The following KLB variants were observed in gnomAD, a reference collection of about 807,000 sequenced individuals.
The protein encoded by KLB is klotho beta.
Under a neutral mutation model 88.4 loss-of-function variants are expected in KLB, and 44 were observed. That is an observed-to-expected ratio of 0.50 (90% CI 0.39 to 0.64). KLB has a LOEUF of 0.64. KLB is among the 30% of genes least tolerant of loss of function. The probability of loss-of-function intolerance (pLI) is 0.00; values close to 1 mark genes in which losing one functional copy is unlikely to be tolerated. For missense variants in KLB, 1,137 were observed against 1,304.8 expected, an observed-to-expected ratio of 0.87 and a Z score of 1.98; for synonymous variants, 548 against 513.4, an observed-to-expected ratio of 1.07 and a Z score of -0.91.
chr4:39,421,752 C>CA (rs769591546), intron 1 of KLB, among the ~76,000 whole-genome samples: 302 of 135,450 alleles, frequency 2.2e-3, no homozygotes, highest in Middle Eastern at 7.2e-3. Flanking sequence ...AACACTCCGT[C>CA]AAAAAAAAAA....
chr4:39,433,609 C>T (rs1743407898), intron 1 of KLB, among the ~76,000 whole-genome samples: 1 of 152,158 alleles, frequency 6.6e-6, no homozygotes, highest in African/African-American at 2.4e-5. Context: ...CCTGTAATCC[C>T]AACACTTTGG....
Position 39,434,382 on chromosome 4 carries a change from C to T in KLB, c.998C>T (p.Pro333Leu). 1 of 1,614,080 alleles carries T rather than the reference C, an allele frequency of 6.2e-7. No homozygotes were observed. The change falls in exon 2 of 5, where the codon CCT (proline) becomes CTT (leucine). Residue 333 changes from proline (P) to leucine (L), a missense_variant. Transcript: ENST00000257408. Reference protein sequence around the residue: ...MVSVLGWFANPIHGDGDYPEG... With the variant: ...MVSVLGWFANLIHGDGDYPEG... ...TCTGTGCTTGGATGGTTTGCCAACCCTATCCATGGGGATGGCGACTATCCA... is the reference window on the plus strand; with the variant it reads ...TCTGTGCTTGGATGGTTTGCCAACCTTATCCATGGGGATGGCGACTATCCA...
chr4:39,412,867 T>C (rs1742884113), intron 1 of KLB, among the ~76,000 whole-genome samples: 1 of 152,258 alleles, frequency 6.6e-6, no homozygotes, highest in Admixed American at 6.5e-5. Context: ...CTGTCTTAAA[T>C]ACTGTAATCA....
intron 1 of KLB, among the ~76,000 whole-genome samples, chr4:39,422,161 G>A (rs1743103122): frequency 6.6e-6 from 1 of 152,124 alleles, no homozygotes; most frequent in Non-Finnish European, 1.5e-5. Flanking sequence ...GGTCTACGGT[G>A]TAAAAGTGTA....
Position 39,446,541 on chromosome 4 carries a change from G to A in KLB, c.1815G>A (p.Ser605=). 1 of 1,614,180 alleles carries A rather than the reference G, an allele frequency of 6.2e-7. No homozygotes were observed. The highest frequency in any genetic ancestry group is 8.5e-7 in the Non-Finnish European group (1 of 1,180,020). Residue 605 remains serine, a synonymous_variant, in exon 4 of 5, where the codon TCG becomes TCA. Transcript: ENST00000257408. This position sits in a 1 kb window ranked among gnomAD's most constrained non-coding sequence, Gnocchi z 6.4. ...THYRFALDWA[S]VLPTGNLSAV... ...ACCGGTTTGCTCTGGATTGGGCCTC[G>A]GTCCTTCCCACTGGCAACCTGTCCG... is the stretch of plus-strand genomic sequence containing the variant.
At chr4:39,407,884 G>T in intron 1 of KLB, 110 bp downstream of exon 1, 1 of 637,456 alleles carries the variant, frequency 1.6e-6, no homozygotes, top group Non-Finnish European at 2.6e-6. Context: ...CTGATTTTAA[G>T]CTAATTCAAA....
intron 1 of KLB, among the ~76,000 whole-genome samples, chr4:39,411,336 G>GTT (rs58256883): frequency 1.0e-4 from 5 of 50,160 alleles, no homozygotes; most frequent in Admixed American, 5.3e-4. Flanking sequence ...GTTTTGTTTT[G>GTT]ATTTTTTTTT....
rs1201176546 is a variant in KLB at position 39,434,664 on chromosome 4, CAG to C, written c.1282_1283del (p.Glu428ArgfsTer23). 1 of 1,614,054 alleles carries C rather than the reference CAG, an allele frequency of 6.2e-7. No individual in the cohort carries two copies. Among genetic ancestry groups the C allele is most frequent in the South Asian group, 1.1e-5 (1 of 91,070 alleles). On this transcript the variant is annotated frameshift_variant, in exon 2 of 5. Coordinates refer to ENST00000257408, the MANE Select transcript of KLB (RefSeq NM_175737.4). LOFTEE classifies it high-confidence loss of function. ...TGGTTCACAGACAGTCGTGTGAAAACAGAAGACACCACGGCCATCTACATGAT... is the reference window on the plus strand; with the variant it reads ...TGGTTCACAGACAGTCGTGTGAAAACAAGACACCACGGCCATCTACATGAT...
chr4:39,419,667 T>G (rs1269465747), intron 1 of KLB, among the ~76,000 whole-genome samples: 1 of 150,480 alleles, frequency 6.6e-6, no homozygotes, highest in East Asian at 1.9e-4. Context: ...TCCCAGCTAC[T>G]CGGGAGGCTG....
intron 3 of KLB, among the ~76,000 whole-genome samples, chr4:39,444,547 T>A (rs1484788361): frequency 6.6e-6 from 1 of 152,150 alleles, no homozygotes; most frequent in Non-Finnish European, 1.5e-5. Context: ...GGGGTTGGGA[T>A]TGGGATGCAT....
rs1255945505 is a variant in KLB at position 39,446,933 on chromosome 4, G to C, written c.2207G>C (p.Gly736Ala). 1.2e-6 allele frequency: 2 copies of C among 1,604,662 alleles called. No individual in the cohort carries two copies. The highest frequency in any genetic ancestry group is 1.7e-5 in the Admixed American group (1 of 59,858). Residue 736 changes from glycine (G) to alanine (A), a missense_variant, in exon 4 of 5, where the codon GGG (glycine) becomes GCG (alanine). Coordinates refer to ENST00000257408, the MANE Select transcript of KLB (RefSeq NM_175737.4). The surrounding 1 kb of genome is among the most constrained non-coding windows in gnomAD (Gnocchi z 6.4). ...YDRQFRPSQR[G>A]AVSLSLHADW... ...CGGCAGTTCAGGCCCTCACAGCGCG[G>C]GGCCGTGTCGCTGTCGCTGCACGCG...
chr4:39,420,954 A>G (rs1743070541), intron 1 of KLB, among the ~76,000 whole-genome samples: 1 of 152,186 alleles, frequency 6.6e-6, no homozygotes, highest in African/African-American at 2.4e-5. Flanking sequence ...ACTGCCAGCA[A>G]TTTGTTCAAT....
At position 39,447,378 on chromosome 4, in the gene KLB, C is replaced by G. The variant is rs1352170328; in HGVS notation, c.2652C>G (p.Asp884Glu). The G allele has an allele frequency of 6.2e-7, 1 of 1,613,462 alleles. No individual in the cohort carries two copies. The highest frequency in any genetic ancestry group is 8.5e-7 in the Non-Finnish European group (1 of 1,179,872). ...TCCGGAGGAACTACGGCGACATGGA[C>G]ATTTACATCACCGCCAGTGGCATCG... is the stretch of plus-strand genomic sequence containing the variant. The part of the protein sequence containing the change: ...RWVRRNYGDM[D>E]IYITASGIDD... The change falls in exon 4 of 5, where the codon GAC becomes GAG. Residue 884 changes from aspartate to glutamate, a missense_variant. By Grantham distance (45) the Asp-to-Glu change is conservative. Coordinates refer to ENST00000257408, the MANE Select transcript of KLB (RefSeq NM_175737.4).
At chr4:39,444,109 A>G (rs1447967369) in intron 3 of KLB, among the ~76,000 whole-genome samples, 3 of 152,134 alleles carry the variant, frequency 2.0e-5, no homozygotes, top group Non-Finnish European at 4.4e-5. Context: ...GTGAGCCAAG[A>G]TCGCGCCATT....
At chr4:39,418,994 C>CTAT (rs549128087) in intron 1 of KLB, among the ~76,000 whole-genome samples, 170 of 146,770 alleles carry the variant, frequency 1.2e-3, no homozygotes, top group African/African-American at 4.1e-3. Context: ...TACATTAAAA[C>CTAT]TATTATTATT....
intron 1 of KLB, among the ~76,000 whole-genome samples, chr4:39,417,918 T>C (rs1452059806): frequency 6.6e-6 from 1 of 152,164 alleles, no homozygotes; most frequent in Non-Finnish European, 1.5e-5. Context: ...TAAAGTCTGA[T>C]CTGTGTCAAT....
chr4:39,434,741 AT>A, intron 2 of KLB, 21 bp downstream of exon 2: 1 of 1,555,240 alleles, frequency 6.4e-7, no homozygotes, highest in Non-Finnish European at 8.7e-7. Flanking sequence ...CACTTGCTTA[AT>A]TTTTTAAAAA....
In KLB at chr4:39,407,508, A is replaced by G. The variant is rs780601209; in HGVS notation, c.559A>G (p.Ile187Val). Residue 187 changes from isoleucine (I) to valine (V), a missense_variant, in exon 1 of 5, where the codon ATT (isoleucine) becomes GTT (valine). Around this residue, in one of 4 missense-constraint regions of KLB, gnomAD observed 597 missense variants for 765.2 expected, o/e 0.78. Coordinates refer to ENST00000257408, the MANE Select transcript of KLB (RefSeq NM_175737.4). ...TLLDALVLRN[I>V]EPIVTLYHWD... ...TCTGGACGCTCTAGTGCTTAGAAACATTGAACCTATAGTTACTTTATACCA... is the reference window on the plus strand; with the variant it reads ...TCTGGACGCTCTAGTGCTTAGAAACGTTGAACCTATAGTTACTTTATACCA... 3 of 1,614,222 alleles carry G rather than the reference A, an allele frequency of 1.9e-6. No individual in the cohort carries two copies. Among genetic ancestry groups the G allele is most frequent in the Non-Finnish European group, 1.7e-6 (2 of 1,180,022 alleles).
At chr4:39,411,990 A>G (rs1742862503) in intron 1 of KLB, 1 of 151,678 alleles carries the variant, frequency 6.6e-6, no homozygotes, top group South Asian at 2.1e-4. Flanking sequence ...TAAGAATGAT[A>G]CAATGGACTA....
Sources: gnomAD v4.1 joint callset for allele counts (sites outside exome capture counted in the v4.1 genomes callset) on GRCh38, gnomAD v4.1.1 for gene constraint, gnomAD v4.1.1 regional missense constraint, Gnocchi (gnomAD v3.1) non-coding constraint, MANE v1.5 for transcripts, NCBI Gene and HGNC (gene_info 2026-07-23, HGNC 2026-07-21) for gene names.